The following INPP4B variants were observed in gnomAD, a reference collection of about 807,000 sequenced individuals.
The protein encoded by INPP4B is inositol polyphosphate 4-phosphatase type II.
In INPP4B, 55 loss-of-function variants were observed where a neutral mutation model predicts 122.5. The ratio of observed to expected loss-of-function variants is 0.45; its 90% CI spans 0.36 to 0.56. The LOEUF (loss-of-function observed/expected upper bound fraction) is 0.56, where lower values mean the gene tolerates loss of function less well. Among genes scored for constraint, INPP4B ranks in the 20% least tolerant of loss-of-function variants. The pLI is 0.00. For synonymous variants in INPP4B, 403 were observed against 388.7 expected, an observed-to-expected ratio of 1.04 and a Z score of -0.43; for missense variants, 1,000 against 1,097.7, an observed-to-expected ratio of 0.91 and a Z score of 1.26.
At chr4:142,582,660 T>G (rs1735358212) in intron 2 of INPP4B, among the ~76,000 whole-genome samples, 1 of 152,098 alleles carries the variant, frequency 6.6e-6, no homozygotes, top group Non-Finnish European at 1.5e-5. Context: ...AACCTTGCAA[T>G]AACGAGTTTG....
chr4:142,282,429 C>T (rs1295420274), intron 9 of INPP4B, among the ~76,000 whole-genome samples: 1 of 152,074 alleles, frequency 6.6e-6, no homozygotes, highest in Non-Finnish European at 1.5e-5. Context: ...ACCCACTGAC[C>T]TAAACTCTGA....
At chr4:142,487,078 T>G (rs1484605831) in intron 2 of INPP4B, among the ~76,000 whole-genome samples, 1 of 152,160 alleles carries the variant, frequency 6.6e-6, no homozygotes, top group Non-Finnish European at 1.5e-5. Context: ...TCCTGTGATA[T>G]TCTCATGATA....
chr4:142,390,129 T>C (rs968389498), intron 7 of INPP4B, among the ~76,000 whole-genome samples: 1 of 152,184 alleles, frequency 6.6e-6, no homozygotes, highest in Non-Finnish European at 1.5e-5. Flanking sequence ...AATCTCACCA[T>C]ACGGTCAAAC....
chr4:142,731,891 A>G (rs985925624), intron 1 of INPP4B, among the ~76,000 whole-genome samples: 2 of 152,198 alleles, frequency 1.3e-5, no homozygotes, highest in Non-Finnish European at 2.9e-5. Context: ...TCAATAGCCA[A>G]TACCTGGTAT....
At chr4:142,386,235 A>C (rs575515802) in intron 7 of INPP4B, among the ~76,000 whole-genome samples, 1 of 152,220 alleles carries the variant, frequency 6.6e-6, no homozygotes, top group South Asian at 2.1e-4. Context: ...ATAGTATTCC[A>C]TTGTGTACAT....
intron 12 of INPP4B, among the ~76,000 whole-genome samples, chr4:142,214,395 T>A (rs1204473154): frequency 6.6e-6 from 1 of 152,172 alleles, no homozygotes; most frequent in South Asian, 2.1e-4. Flanking sequence ...GTCTGGATCT[T>A]CTGAGATGTC....
At chr4:142,163,502 C>T (rs1238272456) in intron 16 of INPP4B, among the ~76,000 whole-genome samples, 1 of 151,866 alleles carries the variant, frequency 6.6e-6, no homozygotes, top group African/African-American at 2.4e-5. Flanking sequence ...TACCATCTAA[C>T]ATCATCACAA....
At chr4:142,190,941 T>C (rs1181402005) in intron 15 of INPP4B, among the ~76,000 whole-genome samples, 2 of 152,134 alleles carry the variant, frequency 1.3e-5, no homozygotes, top group Non-Finnish European at 2.9e-5. Context: ...CTTTCTATGC[T>C]CAACAGGATT....
chr4:142,648,844 G>C (rs931696491), intron 2 of INPP4B, among the ~76,000 whole-genome samples: 1 of 152,210 alleles, frequency 6.6e-6, no homozygotes, highest in Non-Finnish European at 1.5e-5. Flanking sequence ...GACAGCTGTA[G>C]TTCTCCCAGC....
intron 2 of INPP4B, among the ~76,000 whole-genome samples, chr4:142,521,881 T>C (rs915689610): frequency 2.0e-5 from 3 of 152,152 alleles, no homozygotes; most frequent in Non-Finnish European, 2.9e-5. Context: ...AACTGAGAAA[T>C]TGTATTTGTA....
chr4:142,285,384 G>A (rs1753074397), intron 9 of INPP4B, among the ~76,000 whole-genome samples: 1 of 67,514 alleles, frequency 1.5e-5, no homozygotes, highest in Admixed American at 1.3e-4. Flanking sequence ...TGTAAGAATT[G>A]AGGTTCATGG....
At chr4:142,253,597 G>A (rs917282669) in intron 11 of INPP4B, among the ~76,000 whole-genome samples, 3 of 152,174 alleles carry the variant, frequency 2.0e-5, no homozygotes, top group Non-Finnish European at 4.4e-5. Flanking sequence ...GGTGACAGAC[G>A]GCACCTGGAA....
At chr4:142,418,374 T>C (rs1409701446) in intron 5 of INPP4B, among the ~76,000 whole-genome samples, 4 of 152,146 alleles carry the variant, frequency 2.6e-5, no homozygotes, top group East Asian at 3.9e-4. Flanking sequence ...TATCAGCCCA[T>C]AGATATTTAT....
intron 7 of INPP4B, among the ~76,000 whole-genome samples, chr4:142,342,074 A>C (rs939555683): frequency 6.6e-6 from 1 of 152,138 alleles, no homozygotes; most frequent in African/African-American, 2.4e-5. Flanking sequence ...AATTTGTGGT[A>C]ATTTGTTATA....
chr4:142,053,087 G>C (rs780748891), intron 25 of INPP4B, among the ~76,000 whole-genome samples: 32 of 152,060 alleles, frequency 2.1e-4, no homozygotes, highest in Non-Finnish European at 4.3e-4. Context: ...TTGTCTGGGA[G>C]AGACTTCACA....
rs919488375 is a variant in INPP4B at position 142,357,877 on chromosome 4, T to C, written c.373-43115A>G. Among the ~76,000 whole-genome samples the C allele has an allele frequency of 2.0e-5, 3 of 152,036 alleles. No individual in the cohort carries two copies. In the South Asian group the frequency reaches 6.2e-4, roughly 31 times the overall value. The stretch of plus-strand genomic sequence containing the variant: ...TGAAAGATGTAAAATATTCATAGAA[T>C]AATGCAAATTAAATTGAGGACAGTT... On this transcript the variant is annotated intron_variant, in intron 7 of 25. Coordinates refer to ENST00000262992, the MANE Select transcript of INPP4B (RefSeq NM_001101669.3).
chr4:142,485,925 C>A (rs1821141719), intron 2 of INPP4B, among the ~76,000 whole-genome samples: 1 of 152,110 alleles, frequency 6.6e-6, no homozygotes, highest in South Asian at 2.1e-4. Flanking sequence ...TGCTTCCCAG[C>A]CTTCTGTGCA....
chr4:142,204,009 GT>G (rs1437150518), intron 14 of INPP4B, among the ~76,000 whole-genome samples: 4 of 152,014 alleles, frequency 2.6e-5, no homozygotes, highest in Non-Finnish European at 4.4e-5. Flanking sequence ...TTAAATACAT[GT>G]TATAAAAGAA....
At chr4:142,215,168 G>A (rs79416709) in intron 12 of INPP4B, among the ~76,000 whole-genome samples, 15,454 of 152,212 alleles carry the variant, frequency 0.1, 881 homozygotes, top group Middle Eastern at 0.14. Flanking sequence ...CACAGATGGA[G>A]AAGCTAAGGT....
Sources: allele counts gnomAD v4.1 joint callset (sites outside exome capture counted in the v4.1 genomes callset), GRCh38; gene constraint gnomAD v4.1.1; transcripts MANE v1.5; gene names NCBI Gene and HGNC (gene_info 2026-07-23, HGNC 2026-07-21).